PCDH9: variants seen among roughly 807,000 people sequenced by gnomAD.
PCDH9 encodes protocadherin 9.
A neutral mutation model predicts 70.6 loss-of-function variants in PCDH9; 24 were observed. The ratio of observed to expected loss-of-function variants is 0.34; its 90% CI spans 0.25 to 0.48. The LOEUF is 0.48. Among genes scored for constraint, PCDH9 ranks in the 20% least tolerant of loss-of-function variants. The pLI is 0.99. For synonymous variants in PCDH9, 562 were observed against 558.5 expected, an observed-to-expected ratio of 1.01 and a Z score of -0.09; for missense variants, 1,281 against 1,503.6, an observed-to-expected ratio of 0.85 and a Z score of 2.45.
intron 2 of PCDH9, among the ~76,000 whole-genome samples, chr13:67,004,087 C>T (rs185822256): frequency 6.6e-6 from 1 of 151,770 alleles, no homozygotes; most frequent in Non-Finnish European, 1.5e-5. Context: ...GTGGTGTTAT[C>T]AGGACTCTGA....
chr13:66,575,766 T>C (rs2076805882), intron 4 of PCDH9, among the ~76,000 whole-genome samples: 1 of 152,174 alleles, frequency 6.6e-6, no homozygotes, highest in East Asian at 1.9e-4. Flanking sequence ...TTCTCTTTTA[T>C]TCACTCTCAA....
At chr13:66,949,148 CT>C (rs1405167070) in intron 2 of PCDH9, among the ~76,000 whole-genome samples, 1 of 152,054 alleles carries the variant, frequency 6.6e-6, no homozygotes, top group Non-Finnish European at 1.5e-5. Context: ...ATTATGCATT[CT>C]TTTCTTTATA....
intron 3 of PCDH9, among the ~76,000 whole-genome samples, chr13:66,772,976 C>T (rs906143510): frequency 2.6e-5 from 4 of 151,490 alleles, no homozygotes; most frequent in Non-Finnish European, 4.4e-5. Context: ...CAAAAGATAC[C>T]AGCGACACTC....
intron 3 of PCDH9, among the ~76,000 whole-genome samples, chr13:66,793,242 C>T (rs1186836094): frequency 6.6e-6 from 1 of 152,130 alleles, no homozygotes; most frequent in Non-Finnish European, 1.5e-5. Context: ...CTGGAGAGAA[C>T]ATGGACTATT....
At chr13:66,580,636 C>T (rs1271649227) in intron 4 of PCDH9, among the ~76,000 whole-genome samples, 4 of 151,502 alleles carry the variant, frequency 2.6e-5, no homozygotes, top group Non-Finnish European at 5.9e-5. Context: ...GATGTCCTTA[C>T]CATTGACAAA....
At chr13:66,779,559 A>C (rs1408862030) in intron 3 of PCDH9, among the ~76,000 whole-genome samples, 2 of 152,150 alleles carry the variant, frequency 1.3e-5, no homozygotes, top group Non-Finnish European at 2.9e-5. Flanking sequence ...GCGGTGGCTC[A>C]GGCCTGTAAT....
intron 4 of PCDH9, chr13:66,323,236 G>A (rs969219157): frequency 6.6e-6 from 1 of 151,950 alleles, no homozygotes; most frequent in African/African-American, 2.4e-5. Flanking sequence ...TTTGAAATGA[G>A]TCTTCATATC....
intron 3 of PCDH9, among the ~76,000 whole-genome samples, chr13:66,825,726 A>T (rs1329744502): frequency 1.3e-5 from 2 of 152,208 alleles, no homozygotes; most frequent in Non-Finnish European, 2.9e-5. Flanking sequence ...GGCATGTTTC[A>T]AAACAAAGTC....
At chr13:66,382,398 C>T (rs1165195431) in intron 4 of PCDH9, among the ~76,000 whole-genome samples, 1 of 150,932 alleles carries the variant, frequency 6.6e-6, no homozygotes, top group Non-Finnish European at 1.5e-5. Context: ...GGTGGTTACT[C>T]AGAAAATATA....
chr13:66,583,542 G>A (rs1203034297), intron 4 of PCDH9, among the ~76,000 whole-genome samples: 1 of 151,938 alleles, frequency 6.6e-6, no homozygotes, highest in African/African-American at 2.4e-5. Context: ...AATTCCGGCG[G>A]GGCGGAAGTT....
At chr13:66,849,517 T>TATATATAGAGAGAGAG (rs1272589939) in intron 3 of PCDH9, among the ~76,000 whole-genome samples, 12 of 63,578 alleles carry the variant, frequency 1.9e-4, no homozygotes, top group Non-Finnish European at 2.6e-4. Flanking sequence ...TATATATATA[T>TATATATAGAGAGAGAG]AGAGAGAGAG....
intron 2 of PCDH9, among the ~76,000 whole-genome samples, chr13:67,196,787 C>T (rs2089076688): frequency 6.6e-6 from 1 of 151,896 alleles, no homozygotes; most frequent in African/African-American, 2.4e-5. Flanking sequence ...CTACCTAAGC[C>T]AAATAGGAGC....
At chr13:66,332,070 G>T (rs1955954261) in intron 4 of PCDH9, among the ~76,000 whole-genome samples, 1 of 152,124 alleles carries the variant, frequency 6.6e-6, no homozygotes, top group Non-Finnish European at 1.5e-5. Context: ...TTGCCAGCAG[G>T]TGTTTGCTAA....
chr13:67,100,953 T>C (rs1171388845), intron 2 of PCDH9, among the ~76,000 whole-genome samples: 1 of 152,154 alleles, frequency 6.6e-6, no homozygotes, highest in Admixed American at 6.5e-5. Context: ...GAATGCAAAG[T>C]GACTCACAAA....
chr13:66,660,704 A>T (rs950109310), intron 3 of PCDH9, among the ~76,000 whole-genome samples: 8 of 152,192 alleles, frequency 5.3e-5, no homozygotes, highest in Non-Finnish European at 8.8e-5. Context: ...AATAACTGAA[A>T]TCTAAAACAT....
At chr13:66,983,318 A>T (rs2083815023) in intron 2 of PCDH9, among the ~76,000 whole-genome samples, 1 of 152,176 alleles carries the variant, frequency 6.6e-6, no homozygotes, top group African/African-American at 2.4e-5. Context: ...AAAAATAAAA[A>T]GTCACTTTGT....
chr13:66,725,623 A>G (rs1461963690), intron 3 of PCDH9, among the ~76,000 whole-genome samples: 15 of 152,198 alleles, frequency 9.9e-5, no homozygotes, highest in Admixed American at 5.2e-4. Context: ...ATACATTTCA[A>G]AAGAGAGTAT....
chr13:67,092,232 T>C (rs773765288), intron 2 of PCDH9, among the ~76,000 whole-genome samples: 10 of 152,190 alleles, frequency 6.6e-5, no homozygotes, highest in Non-Finnish European at 1.0e-4. Flanking sequence ...CGAGGATCTA[T>C]TGTATTTCTG....
At chr13:66,309,735 A>G (rs1955530024) in intron 4 of PCDH9, among the ~76,000 whole-genome samples, 2 of 151,838 alleles carry the variant, frequency 1.3e-5, no homozygotes, top group South Asian at 4.1e-4. Flanking sequence ...ATATTTATTA[A>G]AACCTAACAT....
Sources: allele counts gnomAD v4.1 joint callset (sites outside exome capture counted in the v4.1 genomes callset), GRCh38; gene constraint gnomAD v4.1.1; transcripts MANE v1.5; gene names NCBI Gene and HGNC (gene_info 2026-07-23, HGNC 2026-07-21).